Variants in DIS3L2 observed in about 807,000 individuals in gnomAD.
DIS3L2 encodes DIS3 like 3'-5' exoribonuclease 2.
A neutral mutation model predicts 97.5 loss-of-function variants in DIS3L2; 34 were observed. That is an observed-to-expected ratio of 0.35 (90% CI 0.27 to 0.46). The LOEUF (loss-of-function observed/expected upper bound fraction) is 0.46. DIS3L2 is among the 20% of genes least tolerant of loss of function. The probability of loss-of-function intolerance (pLI) is 1.00; values close to 1 mark genes in which losing one functional copy is unlikely to be tolerated. For synonymous variants in DIS3L2, 435 were observed against 445.2 expected (o/e 0.98, Z 0.29); for missense variants, 1,038 against 1,146.0 (o/e 0.91, Z 1.36).
chr2:232,009,375 G>T (rs982896172), intron 1 of DIS3L2, among the ~76,000 whole-genome samples: 1 of 152,144 alleles, frequency 6.6e-6, no homozygotes, highest in Non-Finnish European at 1.5e-5. Flanking sequence ...TTTGTTTAGT[G>T]ACTTGGCTGG....
chr2:232,237,686 G>T (rs1692970038), intron 10 of DIS3L2, among the ~76,000 whole-genome samples: 1 of 152,064 alleles, frequency 6.6e-6, no homozygotes, highest in South Asian at 2.1e-4. Flanking sequence ...AAATGGTTGG[G>T]GGCGGGGTGG....
At chr2:232,202,425 G>A (rs1020375455) in intron 9 of DIS3L2, among the ~76,000 whole-genome samples, 1 of 152,126 alleles carries the variant, frequency 6.6e-6, no homozygotes, top group African/African-American at 2.4e-5. Flanking sequence ...AAAAAACATA[G>A]AACGATGAGA....
At chr2:232,343,209 C>T (rs1696152570) in intron 13 of DIS3L2, 2 of 743,056 alleles carry the variant, frequency 2.7e-6, no homozygotes, top group African/African-American at 1.8e-5. Flanking sequence ...TTTCCTGTCA[C>T]AAAAAGGCCA....
At chr2:232,112,935 G>C (rs1242097319) in intron 6 of DIS3L2, among the ~76,000 whole-genome samples, 1 of 152,134 alleles carries the variant, frequency 6.6e-6, no homozygotes, top group African/African-American at 2.4e-5. Context: ...GGGTCACAGA[G>C]CTGGATGATA....
At chr2:232,185,626 G>A (rs1048964423) in intron 9 of DIS3L2, among the ~76,000 whole-genome samples, 3 of 152,172 alleles carry the variant, frequency 2.0e-5, no homozygotes, top group African/African-American at 7.2e-5. Flanking sequence ...CTTGAGGCCA[G>A]GAGTTAGAGA....
At chr2:232,049,513 C>T (rs1000906006) in intron 5 of DIS3L2, among the ~76,000 whole-genome samples, 4 of 152,146 alleles carry the variant, frequency 2.6e-5, no homozygotes, top group Admixed American at 1.3e-4. Context: ...CTTCTGCCTT[C>T]CGACTTCTAC....
In DIS3L2 at chr2:232,206,907, A is replaced by G. The variant is rs556630888; in HGVS notation, c.1125-3419A>G. 3.2e-4 allele frequency among the ~76,000 whole-genome samples: 48 copies of G among 152,352 alleles called. 1 individual carries two copies. The highest frequency in any genetic ancestry group is 8.5e-4 in the Admixed American group (13 of 15,302). On this transcript the variant is annotated intron_variant, in intron 9 of 20. Transcript: ENST00000325385. ...TACACGGTCACATATGGTGGGATCAACTTCAGGCTGGAAATGTCTAAATGG... is the reference window on the plus strand; with the variant it reads ...TACACGGTCACATATGGTGGGATCAGCTTCAGGCTGGAAATGTCTAAATGG...
At chr2:232,324,252 G>T (rs1231168728) in intron 14 of DIS3L2, among the ~76,000 whole-genome samples, 1 of 152,220 alleles carries the variant, frequency 6.6e-6, no homozygotes, top group Non-Finnish European at 1.5e-5. Flanking sequence ...GCCCAAGTGT[G>T]GAAAATTTGG....
intron 5 of DIS3L2, among the ~76,000 whole-genome samples, chr2:232,046,032 A>T (rs1695232851): frequency 6.6e-6 from 1 of 152,168 alleles, no homozygotes; most frequent in African/African-American, 2.4e-5. Context: ...GGACACATTC[A>T]AACCATATTA....
At position 232,014,954 on chromosome 2, in the gene DIS3L2, C is replaced by T. The variant is rs2106220732; in HGVS notation, c.27C>T (p.Asn9=). Residue 9 remains asparagine, a synonymous_variant, in exon 2 of 21, where the codon AAC becomes AAT. Coordinates refer to ENST00000325385, the MANE Select transcript of DIS3L2 (RefSeq NM_152383.5). MSHPDYRM[N]LRPLGTPRGV... is the part of the protein sequence containing the mutation. The stretch of plus-strand genomic sequence containing the variant: ...TGAGCCATCCTGACTACAGAATGAA[C>T]CTCCGGCCCCTGGGGACCCCCAGAG... 1 of 1,613,988 alleles carries T rather than the reference C, an allele frequency of 6.2e-7. No homozygotes were observed. The highest frequency in any genetic ancestry group is 8.5e-7 in the Non-Finnish European group (1 of 1,179,952).
At chr2:232,175,557 GT>G (rs957709429) in intron 9 of DIS3L2, among the ~76,000 whole-genome samples, 1 of 151,980 alleles carries the variant, frequency 6.6e-6, no homozygotes, top group East Asian at 1.9e-4. Flanking sequence ...TTGGGGTATA[GT>G]TTTTTTTCTT....
intron 6 of DIS3L2, among the ~76,000 whole-genome samples, chr2:232,124,009 C>T (rs1357738538): frequency 6.6e-6 from 1 of 152,194 alleles, no homozygotes; most frequent in Non-Finnish European, 1.5e-5. Flanking sequence ...TTTCTTCAAC[C>T]TAGGCCTCAG....
At chr2:232,328,299 G>A (rs569879497) in intron 14 of DIS3L2, among the ~76,000 whole-genome samples, 2 of 152,228 alleles carry the variant, frequency 1.3e-5, no homozygotes, top group Non-Finnish European at 2.9e-5. Flanking sequence ...CAGGGGAGGC[G>A]CTAGGGGTGC....
At chr2:232,131,132 A>C (rs1698205969) in intron 7 of DIS3L2, 1 of 160,608 alleles carries the variant, frequency 6.2e-6, no homozygotes, top group Non-Finnish European at 1.4e-5. Flanking sequence ...ACCTAATTTA[A>C]AAATAATTTT....
At chr2:232,225,871 A>T (rs1357225708) in intron 10 of DIS3L2, among the ~76,000 whole-genome samples, 1 of 152,262 alleles carries the variant, frequency 6.6e-6, no homozygotes, top group Non-Finnish European at 1.5e-5. Flanking sequence ...AAAGTACACG[A>T]TACAACAGGG....
At chr2:232,047,461 T>C (rs1226518411) in intron 5 of DIS3L2, among the ~76,000 whole-genome samples, 1 of 152,242 alleles carries the variant, frequency 6.6e-6, no homozygotes, top group Non-Finnish European at 1.5e-5. Context: ...ATCAAAATGA[T>C]TTATTATTTG....
chr2:232,276,720 G>T lies in DIS3L2; in HGVS notation c.1659+13280G>T, dbSNP rs1694151327. On this transcript the variant is annotated intron_variant, in intron 13 of 20. Coordinates refer to ENST00000325385, the MANE Select transcript of DIS3L2 (RefSeq NM_152383.5). This position sits in a 1 kb window ranked among gnomAD's most constrained non-coding sequence, Gnocchi z 4.4. ...CATGGACCCTGGGTCAGACTGCCTG[G>T]GTTCTGATCCCGACTCCCTCACTTA... Among the ~76,000 whole-genome samples the T allele has an allele frequency of 6.6e-6, 1 of 152,178 alleles. No homozygotes were observed. The highest frequency in any genetic ancestry group is 6.5e-5 in the Admixed American group (1 of 15,286).
intron 6 of DIS3L2, among the ~76,000 whole-genome samples, chr2:232,101,801 C>G (rs1259163010): frequency 6.6e-6 from 1 of 152,162 alleles, no homozygotes; most frequent in African/African-American, 2.4e-5. Context: ...ATTCTTTCTC[C>G]CCTAATAAAT....
Position 232,259,642 on chromosome 2 carries a change from C to T in DIS3L2, c.1426-3565C>T, listed in dbSNP as rs371251770. 2.4e-4 allele frequency among the ~76,000 whole-genome samples: 36 copies of T among 151,910 alleles called. 1 individual carries two copies. The South Asian group carries it at 7.1e-3, about 30-fold the overall frequency. The stretch of plus-strand genomic sequence containing the variant: ...TCTGTTTGTTTTGTTTTTTTGAGAC[C>T]GAGTCTCACTGTGTCGCCCAAGCTG... On this transcript the variant is annotated intron_variant, in intron 12 of 20. Coordinates refer to ENST00000325385, the MANE Select transcript of DIS3L2 (RefSeq NM_152383.5).
Sources: gnomAD v4.1 joint callset for allele counts (sites outside exome capture counted in the v4.1 genomes callset) on GRCh38, gnomAD v4.1.1 for gene constraint, Gnocchi (gnomAD v3.1) non-coding constraint, MANE v1.5 for transcripts, NCBI Gene and HGNC (gene_info 2026-07-23, HGNC 2026-07-21) for gene names.